Variants in PCDH15 observed in about 807,000 individuals in gnomAD.
The protein encoded by PCDH15 is protocadherin-15.
A neutral mutation model predicts 178.5 loss-of-function variants in PCDH15; 129 were observed. The ratio of observed to expected loss-of-function variants is 0.72; its 90% CI spans 0.63 to 0.84. The LOEUF is 0.84. Ranked by LOEUF, PCDH15 falls within the 40% of genes least tolerant of loss-of-function variation. The pLI, the probability that PCDH15 is intolerant of heterozygous loss-of-function variation, is 0.00. For synonymous variants in PCDH15, 800 were observed against 732.0 expected (o/e 1.09, Z -1.50); for missense variants, 2,230 against 2,099.9 (o/e 1.06, Z -1.21).
chr10:54,088,634 A>C (rs2094552005), intron 16 of PCDH15, among the ~76,000 whole-genome samples: 1 of 152,170 alleles, frequency 6.6e-6, no homozygotes, highest in South Asian at 2.1e-4. Context: ...CCAAATAATG[A>C]AGATTTACTT....
Position 53,903,288 on chromosome 10 carries a change from A to G in PCDH15, c.3456T>C (p.Gly1152=), listed in dbSNP as rs202091131. The G allele has an allele frequency of 1.6e-4, 265 of 1,613,164 alleles. 3 individuals carry two copies. The East Asian group carries it at 5.8e-3, about 35-fold the overall frequency. ...PVFQKKFYIG[G]VSEDARMFTS... is the part of the protein sequence containing the mutation. ...TAAACATTCTTGCATCTTCAGATACACCTCCGATGTAGAATTTTTTCTGAA... is the reference window on the plus strand; with the variant it reads ...TAAACATTCTTGCATCTTCAGATACGCCTCCGATGTAGAATTTTTTCTGAA... The change falls in exon 26 of 38, where the codon GGT becomes GGC. Residue 1152 remains glycine (G), a synonymous_variant. Transcript: ENST00000644397.
chr10:55,523,999 A>T (rs1393317709), intron 2 of PCDH15, among the ~76,000 whole-genome samples: 2 of 151,230 alleles, frequency 1.3e-5, no homozygotes, highest in Non-Finnish European at 3.0e-5. Flanking sequence ...ACTCTCAATT[A>T]TTCTTCTATG....
intron 2 of PCDH15, among the ~76,000 whole-genome samples, chr10:55,482,567 T>C (rs116278781): frequency 0.013 from 1,956 of 151,880 alleles, 44 homozygotes; most frequent in African/African-American, 0.045. Flanking sequence ...ATTTTTCCTT[T>C]GCATATGAAG....
At chr10:54,875,054 A>C (rs931130055) in intron 3 of PCDH15, among the ~76,000 whole-genome samples, 31 of 152,110 alleles carry the variant, frequency 2.0e-4, no homozygotes, top group African/African-American at 7.2e-4. Flanking sequence ...TTTTTTACAA[A>C]TTGAAGGTTT....
chr10:54,369,397 C>A lies in PCDH15; in HGVS notation c.319-122G>T, dbSNP rs568155802. 5 of 897,420 alleles carry A rather than the reference C, an allele frequency of 5.6e-6. No homozygotes were observed. In the Admixed American group the frequency reaches 1.1e-4, roughly 20 times the overall value. 55.6% of individuals were successfully genotyped at this position (897,420 alleles called of 1,614,324 possible). On this transcript the variant is annotated intron_variant, in intron 4 of 37. Coordinates refer to ENST00000644397, the MANE Select transcript of PCDH15 (RefSeq NM_001384140.1). ...TTGTTTATTTTTAAATTATAATAAT[C>A]TCAAAGAAAATGATCATTTTAAGGA... is the stretch of plus-strand genomic sequence containing the variant.
At chr10:53,932,873 C>T (rs1373001187) in intron 25 of PCDH15, among the ~76,000 whole-genome samples, 1 of 152,078 alleles carries the variant, frequency 6.6e-6, no homozygotes, top group Non-Finnish European at 1.5e-5. Context: ...AGATCAGTCT[C>T]ATGGAGACAG....
At chr10:55,115,530 C>T (rs1021064146) in intron 2 of PCDH15, among the ~76,000 whole-genome samples, 6 of 152,176 alleles carry the variant, frequency 3.9e-5, no homozygotes, top group African/African-American at 1.4e-4. Context: ...GATCTTGGCA[C>T]TGTCCCTGAG....
At chr10:54,527,044 TAGC>T (rs1350821209) in intron 3 of PCDH15, among the ~76,000 whole-genome samples, 2 of 152,144 alleles carry the variant, frequency 1.3e-5, no homozygotes, top group East Asian at 3.9e-4. Context: ...ATCATGTAAT[TAGC>T]AGACAAAATG....
chr10:54,838,707 C>T (rs1351990378), intron 3 of PCDH15, among the ~76,000 whole-genome samples: 2 of 152,064 alleles, frequency 1.3e-5, no homozygotes, highest in African/African-American at 2.4e-5. Flanking sequence ...AGTACATCTT[C>T]CCACCCTCTA....
At chr10:53,955,335 T>TA (rs2087506422) in intron 23 of PCDH15, among the ~76,000 whole-genome samples, 1 of 152,194 alleles carries the variant, frequency 6.6e-6, no homozygotes, top group African/African-American at 2.4e-5. Flanking sequence ...TACAGTGACC[T>TA]AAACTACCCT....
intron 26 of PCDH15, among the ~76,000 whole-genome samples, chr10:53,900,675 C>T (rs1477356889): frequency 1.3e-5 from 2 of 152,128 alleles, no homozygotes; most frequent in African/African-American, 4.8e-5. Flanking sequence ...CTCCCTCTAA[C>T]CATCCTCGAC....
intron 2 of PCDH15, among the ~76,000 whole-genome samples, chr10:54,582,665 C>T (rs1394104435): frequency 1.3e-5 from 2 of 152,016 alleles, no homozygotes; most frequent in African/African-American, 4.8e-5. Flanking sequence ...GTAATCACAA[C>T]ACTTTGGGAG....
intron 18 of PCDH15, among the ~76,000 whole-genome samples, chr10:54,054,121 G>A (rs2093833879): frequency 1.3e-5 from 2 of 152,216 alleles, no homozygotes; most frequent in Non-Finnish European, 1.5e-5. Flanking sequence ...TCTTAAAAAT[G>A]TTGAAATTTA....
Position 54,079,333 on chromosome 10 carries a change from C to G in PCDH15, c.2089G>C (p.Gly697Arg). The G allele has an allele frequency of 1.9e-6, 3 of 1,613,950 alleles. No homozygotes were observed. Among genetic ancestry groups the G allele is most frequent in the East Asian group, 2.2e-5 (1 of 44,864 alleles). ...IITASDGRPD[G>R]TSTATVNIVV... Reference sequence around the variant, plus strand: ...CCCTTCACAGGGAGCATACTCACCCCATCTGGCCTGCCATCTGAAGCTGTG... The same window carrying G: ...CCCTTCACAGGGAGCATACTCACCCGATCTGGCCTGCCATCTGAAGCTGTG... Residue 697 changes from glycine (G) to arginine (R), a missense_variant and splice_region_variant, in exon 17 of 38, where the codon GGG becomes CGG. Gly to Arg is a moderately radical substitution (Grantham distance 125). Transcript: ENST00000644397.
At chr10:55,238,145 CTTT>C (rs758000610) in intron 1 of PCDH15, among the ~76,000 whole-genome samples, 2 of 124,460 alleles carry the variant, frequency 1.6e-5, no homozygotes, top group Non-Finnish European at 1.7e-5. Context: ...TTCATATTTT[CTTT>C]TTTTTTTTTT....
intron 2 of PCDH15, among the ~76,000 whole-genome samples, chr10:55,545,295 TCTCA>T (rs1009539942): frequency 3.4e-5 from 5 of 148,628 alleles, no homozygotes; most frequent in African/African-American, 1.2e-4. Flanking sequence ...TTAGATGGAG[TCTCA>T]CTCTGTCGCT....
At chr10:55,451,892 A>G (rs1458620149) in intron 2 of PCDH15, among the ~76,000 whole-genome samples, 1 of 152,218 alleles carries the variant, frequency 6.6e-6, no homozygotes, top group Non-Finnish European at 1.5e-5. Flanking sequence ...ATATCTCTCA[A>G]GATAGGTCTC....
At chr10:55,432,117 C>CACACACACCAA in intron 2 of PCDH15, among the ~76,000 whole-genome samples, 1 of 99,544 alleles carries the variant, frequency 1.0e-5, no homozygotes, top group East Asian at 8.1e-4. Flanking sequence ...ACACACACCA[C>CACACACACCAA]AAGTCTCTCC....
chr10:54,414,246 T>C (rs1395189707), intron 3 of PCDH15, among the ~76,000 whole-genome samples: 2 of 152,090 alleles, frequency 1.3e-5, no homozygotes, highest in African/African-American at 4.8e-5. Flanking sequence ...TATCATTATC[T>C]TGAATGAGAA....
Sources: gnomAD v4.1 joint callset for allele counts (sites outside exome capture counted in the v4.1 genomes callset) on GRCh38, gnomAD v4.1.1 for gene constraint, MANE v1.5 for transcripts, NCBI Gene and HGNC (gene_info 2026-07-23, HGNC 2026-07-21) for gene names.